ZNF469: variants seen among roughly 807,000 people sequenced by gnomAD.
ZNF469 encodes zinc finger protein 469.
Under a neutral mutation model 1.0 loss-of-function variants are expected in ZNF469, and 1 was observed. That is an observed-to-expected ratio of 1.00 (90% CI 0.35 to 4.73). The LOEUF (loss-of-function observed/expected upper bound fraction) is 4.73, where lower values mean the gene tolerates loss of function less well. Among genes scored for constraint, ZNF469 ranks in the 30% most tolerant of loss-of-function variants. ZNF469 has a pLI of 0.16. For missense variants in ZNF469, 6,100 were observed against 5,356.3 expected, an observed-to-expected ratio of 1.14 and a Z score of -4.33; for synonymous variants, 2,703 against 2,363.4, an observed-to-expected ratio of 1.14 and a Z score of -4.17.
At chr16:88,221,489 G>A in the ZNF469 span, among the ~76,000 whole-genome samples, 1 of 152,252 alleles carries the variant, frequency 6.6e-6, no homozygotes, top group Non-Finnish European at 1.5e-5. Flanking sequence ...GAGCAAGAAT[G>A]CATGGTCTCA....
intron 1 of ZNF469, among the ~76,000 whole-genome samples, chr16:88,418,785 T>A (rs1053510445): frequency 3.9e-5 from 6 of 152,254 alleles, no homozygotes; most frequent in African/African-American, 1.4e-4. Context: ...AGATATAATT[T>A]TACCTGCAAA....
At chr16:88,355,194 C>T in the ZNF469 span, among the ~76,000 whole-genome samples, 2 of 152,292 alleles carry the variant, frequency 1.3e-5, no homozygotes, top group East Asian at 3.9e-4. Context: ...GACTATCACG[C>T]CCCCTCCCAG....
chr16:88,435,795 G>A lies in ZNF469; in HGVS notation c.8325G>A (p.Ala2775=), dbSNP rs753131806. 2.4e-5 allele frequency: 37 copies of A among 1,550,484 alleles called. No individual in the cohort carries two copies. The highest frequency in any genetic ancestry group is 1.5e-4 in the East Asian group (6 of 40,922). ...GCAAAGAGTCTGGGAGCGAGCCTGC[G>A]GAGGACAGCAGCAGGGCCCACAGCC... ...GVCKESGSEP[A]EDSSRAHSRS... is the part of the protein sequence containing the mutation. Residue 2775 remains alanine (A), a synonymous_variant, in exon 3 of 3, where the codon GCG becomes GCA. Coordinates refer to ENST00000565624, the MANE Select transcript of ZNF469 (RefSeq NM_001367624.2).
the ZNF469 span, among the ~76,000 whole-genome samples, chr16:88,164,060 G>C: frequency 2.0e-5 from 3 of 150,818 alleles, no homozygotes; most frequent in Non-Finnish European, 4.4e-5. Flanking sequence ...TGGGTGGATG[G>C]ATGAATGGAT....
chr16:88,406,356 C>T (rs1479014572), intron 1 of ZNF469, among the ~76,000 whole-genome samples: 1 of 152,192 alleles, frequency 6.6e-6, no homozygotes, highest in African/African-American at 2.4e-5. Context: ...TGTATGTGTG[C>T]CTCAGTTTAC....
At chr16:88,253,426 T>C in the ZNF469 span, among the ~76,000 whole-genome samples, 4 of 151,732 alleles carry the variant, frequency 2.6e-5, no homozygotes, top group Non-Finnish European at 4.4e-5. Context: ...GGGATTTGCA[T>C]TTCTAGTTCC....
the ZNF469 span, among the ~76,000 whole-genome samples, chr16:88,158,846 A>G: frequency 6.6e-6 from 1 of 151,234 alleles, no homozygotes; most frequent in Non-Finnish European, 1.5e-5. Flanking sequence ...CTGCAGGAAG[A>G]CTCCTTTCCA....
chr16:88,187,708 T>A, the ZNF469 span, among the ~76,000 whole-genome samples: 1 of 134,696 alleles, frequency 7.4e-6, no homozygotes, highest in African/African-American at 2.8e-5. Flanking sequence ...AATTCCAGAT[T>A]GCCTGCATTT....
chr16:88,310,952 C>T, the ZNF469 span, among the ~76,000 whole-genome samples: 1 of 152,228 alleles, frequency 6.6e-6, no homozygotes, highest in Non-Finnish European at 1.5e-5. Context: ...AACACTGATC[C>T]ATCCTCATTC....
the ZNF469 span, among the ~76,000 whole-genome samples, chr16:88,292,615 C>T: frequency 6.6e-6 from 1 of 151,764 alleles, no homozygotes; most frequent in East Asian, 1.9e-4. Flanking sequence ...GAATTTGGAG[C>T]TGGAATCTTC....
the ZNF469 span, among the ~76,000 whole-genome samples, chr16:88,118,091 C>G: frequency 1.3e-5 from 2 of 152,158 alleles, no homozygotes; most frequent in East Asian, 3.9e-4. Context: ...TACAGGCTCC[C>G]GCCACCACAC....
chr16:88,326,150 G>C, the ZNF469 span, among the ~76,000 whole-genome samples: 1 of 152,218 alleles, frequency 6.6e-6, no homozygotes, highest in East Asian at 1.9e-4. Context: ...ATCTCATCTT[G>C]AATTCCCACA....
At chr16:88,193,021 GT>G in the ZNF469 span, among the ~76,000 whole-genome samples, 2 of 119,220 alleles carry the variant, frequency 1.7e-5, no homozygotes, top group African/African-American at 3.3e-5. Context: ...GATGGTGGTG[GT>G]GGTGATGGTG....
At chr16:88,218,096 A>G in the ZNF469 span, among the ~76,000 whole-genome samples, 2 of 147,630 alleles carry the variant, frequency 1.4e-5, no homozygotes, top group Admixed American at 6.8e-5. Context: ...CATCCTCCCC[A>G]GCACCTATTG....
At chr16:88,415,874 T>C (rs1369228149) in intron 1 of ZNF469, among the ~76,000 whole-genome samples, 2 of 152,230 alleles carry the variant, frequency 1.3e-5, no homozygotes, top group African/African-American at 2.4e-5. Flanking sequence ...TCGGTGCTCA[T>C]AGTGTCCTTC....
the ZNF469 span, among the ~76,000 whole-genome samples, chr16:88,266,850 C>T: frequency 1.3e-5 from 2 of 152,206 alleles, no homozygotes; most frequent in African/African-American, 4.8e-5. Flanking sequence ...GCCCTGAGTA[C>T]TTTTCCCCTG....
At chr16:88,206,788 G>A in the ZNF469 span, among the ~76,000 whole-genome samples, 1 of 147,026 alleles carries the variant, frequency 6.8e-6, no homozygotes, top group African/African-American at 2.6e-5. Context: ...TATCTCTGTG[G>A]GAACGGAAGG....
the ZNF469 span, among the ~76,000 whole-genome samples, chr16:88,368,575 G>C: frequency 6.6e-6 from 1 of 152,130 alleles, no homozygotes; most frequent in African/African-American, 2.4e-5. Context: ...CATAGCCCTG[G>C]GAGAGTTTGT....
chr16:88,388,120 G>A (rs760137543), intron 1 of ZNF469, among the ~76,000 whole-genome samples: 32 of 152,258 alleles, frequency 2.1e-4, no homozygotes, highest in Admixed American at 6.5e-5. Flanking sequence ...CCGAGCAGGC[G>A]CGAGGGTGTG....
Sources: gnomAD v4.1 joint callset for allele counts (sites outside exome capture counted in the v4.1 genomes callset) on GRCh38, gnomAD v4.1.1 for gene constraint, MANE v1.5 for transcripts, NCBI Gene and HGNC (gene_info 2026-07-23, HGNC 2026-07-21) for gene names.